Variants in USP9X observed in about 807,000 individuals in gnomAD.
The protein encoded by USP9X is ubiquitin specific peptidase 9 X-linked.
In USP9X, 7 loss-of-function variants were observed where a neutral mutation model predicts 190.3. The observed-to-expected ratio is 0.04, with a 90% CI of 0.02 to 0.07. USP9X has a LOEUF of 0.07. Among genes scored for constraint, USP9X ranks in the 10% least tolerant of loss-of-function variants. The pLI, the probability that USP9X is intolerant of heterozygous loss-of-function variation, is 1.00. For missense variants in USP9X, 1,010 were observed against 1,916.9 expected (o/e 0.53, Z 8.83); for synonymous variants, 645 against 659.5 (o/e 0.98, Z 0.34).
At chrX:41,094,516 A>G (rs1910407827) in intron 1 of USP9X, among the ~76,000 whole-genome samples, 1 of 110,403 alleles carries the variant, frequency 9.1e-6, no homozygotes, top group Non-Finnish European at 1.9e-5. Flanking sequence ...TATCTGAGCC[A>G]TATCAATGTC....
At chrX:41,146,659 T>G (rs1254031827) in intron 11 of USP9X, among the ~76,000 whole-genome samples, 2 of 89,809 alleles carry the variant, frequency 2.2e-5, no homozygotes, top group African/African-American at 8.3e-5. Context: ...TTTTGAGCTA[T>G]TTGCCTTTTT....
chrX:41,151,728 C>A (rs1408036653), intron 13 of USP9X, among the ~76,000 whole-genome samples: 1 of 112,642 alleles, frequency 8.9e-6, no homozygotes, highest in African/African-American at 3.2e-5. Context: ...CGCCTATAAT[C>A]CCAGAACTTT....
intron 4 of USP9X, among the ~76,000 whole-genome samples, chrX:41,132,594 G>A (rs981414187): frequency 1.4e-4 from 16 of 110,376 alleles, no homozygotes; most frequent in African/African-American, 5.3e-4. Flanking sequence ...ATGAGCCACC[G>A]CGCCCAGCTA....
chrX:41,189,178 C>A, intron 25 of USP9X, 131 bp from the exon 26 acceptor site: 1 of 529,334 alleles, frequency 1.9e-6, no homozygotes. Context: ...CAAGAGTTAA[C>A]ATGCAGCCAT....
At position 41,229,701 on chromosome X, in the gene USP9X, G is replaced by A. The variant is rs761120032; in HGVS notation, c.7353G>A (p.Thr2451=). ...NWSPPVQSNE[T]SNGYFLERSH... is the part of the protein sequence containing the mutation. ...CTCCCCCAGTGCAAAGCAATGAAACGTCCAATGGTTATTTCTTGGAGAGAT... is the reference window on the plus strand; with the variant it reads ...CTCCCCCAGTGCAAAGCAATGAAACATCCAATGGTTATTTCTTGGAGAGAT... The change falls in exon 43 of 45, where the codon ACG becomes ACA. Residue 2451 remains threonine, a synonymous_variant. Coordinates refer to ENST00000378308, the MANE Select transcript of USP9X (RefSeq NM_001039591.3). 5.8e-6 allele frequency: 7 copies of A among 1,210,014 alleles called. No homozygotes were observed. Among genetic ancestry groups the A allele is most frequent in the African/African-American group, 1.7e-5 (1 of 57,167 alleles).
chrX:41,201,274 C>G lies in USP9X; in HGVS notation c.4818C>G (p.Asp1606Glu). 1 of 1,205,489 alleles carries G rather than the reference C, an allele frequency of 8.3e-7. No individual in the cohort carries two copies. The highest frequency in any genetic ancestry group is 1.1e-6 in the Non-Finnish European group (1 of 889,892). ...ATATGTCTGGGGATGAGAAGCAGGACAATGAGGTAAATTTGAGTTACCATT... is the reference window on the plus strand; with the variant it reads ...ATATGTCTGGGGATGAGAAGCAGGAGAATGAGGTAAATTTGAGTTACCATT... ...DDDMSGDEKQ[D>E]NESNVDPRDD... Residue 1606 changes from aspartate (D) to glutamate (E), a missense_variant, in exon 31 of 45, where the codon GAC becomes GAG. By Grantham distance (45) the Asp-to-Glu change is conservative. Around this residue, in one of 11 missense-constraint regions of USP9X, gnomAD observed 120 missense variants for 342.7 expected, o/e 0.35. Transcript: ENST00000378308.
At chrX:41,218,922 A>G (rs2063236842) in intron 37 of USP9X, among the ~76,000 whole-genome samples, 180 bp from the exon 38 acceptor site, 1 of 112,498 alleles carries the variant, frequency 8.9e-6, no homozygotes, top group South Asian at 3.6e-4. Context: ...GTAAAAAATT[A>G]TAATGAAATC....
intron 39 of USP9X, among the ~76,000 whole-genome samples, chrX:41,223,966 A>T (rs1404883181): frequency 4.5e-5 from 5 of 109,911 alleles, no homozygotes; most frequent in South Asian, 3.8e-4. Flanking sequence ...GCTTTGGGGG[A>T]GGCCAAGGCA....
At position 41,146,202 on chromosome X, in the gene USP9X, A is replaced by G. The variant is rs968290057; in HGVS notation, c.1419+1576A>G. The stretch of plus-strand genomic sequence containing the variant: ...CTCTTCTCAGGATAGTCTAAATACA[A>G]TAATGGTCTGAATATAATAATAATT... On this transcript the variant is annotated intron_variant, in intron 11 of 44. Transcript: ENST00000378308. Among the ~76,000 whole-genome samples, 6 of 111,988 alleles carry G rather than the reference A, an allele frequency of 5.4e-5. No individual in the cohort carries two copies. The South Asian group carries it at 2.2e-3, about 42-fold the overall frequency.
At chrX:41,135,850 C>T (rs988423005) in intron 5 of USP9X, among the ~76,000 whole-genome samples, 4 of 111,210 alleles carry the variant, frequency 3.6e-5, no homozygotes, top group East Asian at 2.8e-4. Context: ...AGGCTGGTCT[C>T]GAACTCCTGT....
intron 21 of USP9X, among the ~76,000 whole-genome samples, chrX:41,172,737 CT>C (rs1054390645): frequency 3.0e-4 from 34 of 111,589 alleles, no homozygotes; most frequent in African/African-American, 1.0e-3. Flanking sequence ...TTCCCACATA[CT>C]TTTTTTTGAG....
intron 1 of USP9X, among the ~76,000 whole-genome samples, chrX:41,115,242 G>GAAAA (rs56830972): frequency 1.3e-5 from 1 of 75,324 alleles, no homozygotes; most frequent in African/African-American, 5.6e-5. Flanking sequence ...AAAAGAAAAA[G>GAAAA]AAAAAAAAAA....
rs374223709 is a variant in USP9X, at chrX:41,141,269, C to T, written c.1023-24C>T. 7 of 1,198,254 alleles carry T rather than the reference C, an allele frequency of 5.8e-6. No individual in the cohort carries two copies. In the African/African-American group the frequency reaches 1.2e-4, roughly 21 times the overall value. On this transcript the variant is annotated intron_variant, in intron 8 of 44. Transcript: ENST00000378308. ...TGTTAATGCCGATTTTAGAATCATA[C>T]TTATCACTGAATTTTTCTTACAGAT...
intron 39 of USP9X, 93 bp from the exon 40 acceptor site, chrX:41,224,644 TAAAAA>T (rs11380110): frequency 2.5e-6 from 2 of 799,779 alleles, no homozygotes; most frequent in Admixed American, 3.3e-5. Flanking sequence ...TTAAAAAAAA[TAAAAA>T]AAAATTATAG....
intron 34 of USP9X, 63 bp from the exon 35 acceptor site, chrX:41,215,836 G>GTT (rs200417100): frequency 2.8e-3 from 2,375 of 854,362 alleles, no homozygotes; most frequent in East Asian, 6.6e-3. Context: ...TTTGCTTGGG[G>GTT]TTTTTTTTTT....
intron 1 of USP9X, among the ~76,000 whole-genome samples, chrX:41,091,357 T>G (rs902701893): frequency 1.8e-5 from 2 of 112,044 alleles, no homozygotes; most frequent in African/African-American, 6.5e-5. Context: ...GACCAGAAAT[T>G]ACATACTCTG....
intron 11 of USP9X, among the ~76,000 whole-genome samples, chrX:41,148,149 T>TCCA (rs1426115150): frequency 1.2e-4 from 13 of 111,817 alleles, no homozygotes; most frequent in Non-Finnish European, 2.3e-4. Context: ...TAATTGGGTG[T>TCCA]CTTCTAAATT....
intron 1 of USP9X, among the ~76,000 whole-genome samples, chrX:41,112,299 CTGT>C (rs2062115782): frequency 8.9e-6 from 1 of 112,565 alleles, no homozygotes; most frequent in African/African-American, 3.2e-5. Context: ...TCCCTTTTCC[CTGT>C]TGTTTCCTTT....
At chrX:41,157,758 C>T (rs1172557457) in intron 14 of USP9X, among the ~76,000 whole-genome samples, 1 of 111,226 alleles carries the variant, frequency 9.0e-6, no homozygotes, top group Admixed American at 9.6e-5. Flanking sequence ...AAGATGGGAC[C>T]TGTAGACTGA....
Sources: allele counts gnomAD v4.1 joint callset (sites outside exome capture counted in the v4.1 genomes callset), GRCh38; gene constraint gnomAD v4.1.1; regional missense constraint gnomAD v4.1.1; transcripts MANE v1.5; gene names NCBI Gene and HGNC (gene_info 2026-07-23, HGNC 2026-07-21).